Variants in ARHGAP6 observed in about 807,000 individuals in gnomAD.
ARHGAP6 encodes rho GTPase-activating protein 6.
A neutral mutation model predicts 55.7 loss-of-function variants in ARHGAP6; 16 were observed. That is an observed-to-expected ratio of 0.29 (90% CI 0.19 to 0.44). The LOEUF is 0.44. Ranked by LOEUF, ARHGAP6 falls within the 20% of genes least tolerant of loss-of-function variation. The pLI is 1.00. For missense variants in ARHGAP6, 698 were observed against 808.9 expected (o/e 0.86, Z 1.66); for synonymous variants, 382 against 360.9 (o/e 1.06, Z -0.66).
intron 1 of ARHGAP6, among the ~76,000 whole-genome samples, chrX:11,331,068 A>C (rs898824500): frequency 8.9e-6 from 1 of 111,912 alleles, no homozygotes; most frequent in African/African-American, 3.3e-5. Context: ...CCTTTTCCCC[A>C]AGATAGATCA....
At chrX:11,228,897 C>T (rs1467698457) in intron 2 of ARHGAP6, among the ~76,000 whole-genome samples, 1 of 112,132 alleles carries the variant, frequency 8.9e-6, no homozygotes, top group Non-Finnish European at 1.9e-5. Flanking sequence ...TCTCCTCTAT[C>T]ATTAGTTTGT....
intron 1 of ARHGAP6, among the ~76,000 whole-genome samples, chrX:11,578,312 G>A (rs180939546): frequency 5.4e-5 from 6 of 111,674 alleles, no homozygotes; most frequent in Non-Finnish European, 1.9e-5. Flanking sequence ...CTTCCACTCT[G>A]CACAGGGAGG....
chrX:11,268,969 T>G (rs2147511691), intron 1 of ARHGAP6, among the ~76,000 whole-genome samples: 1 of 110,920 alleles, frequency 9.0e-6, no homozygotes, highest in South Asian at 3.8e-4. Context: ...GCGTGAAAGG[T>G]TTAGTTGCCC....
chrX:11,308,174 A>T (rs1300243176), intron 1 of ARHGAP6, among the ~76,000 whole-genome samples: 1 of 112,312 alleles, frequency 8.9e-6, no homozygotes, highest in Non-Finnish European at 1.9e-5. Context: ...TGGTGTTAAC[A>T]CACAATTCAC....
At chrX:11,501,936 G>A (rs1461866539) in intron 1 of ARHGAP6, among the ~76,000 whole-genome samples, 1 of 111,436 alleles carries the variant, frequency 9.0e-6, no homozygotes, top group Non-Finnish European at 1.9e-5. Flanking sequence ...GTTCAAACTT[G>A]TGTTGTTGAA....
At chrX:11,453,760 T>C (rs998778971) in intron 1 of ARHGAP6, among the ~76,000 whole-genome samples, 11 of 111,890 alleles carry the variant, frequency 9.8e-5, no homozygotes, top group Non-Finnish European at 9.4e-5. Flanking sequence ...TTGTTTAGTA[T>C]TTCCAAAAGA....
intron 1 of ARHGAP6, among the ~76,000 whole-genome samples, chrX:11,311,832 G>T (rs185472400): frequency 9.0e-6 from 1 of 111,270 alleles, no homozygotes; most frequent in African/African-American, 3.3e-5. Context: ...CACACGCTAT[G>T]TTACTTTTTA....
At chrX:11,502,771 T>C (rs1291538694) in intron 1 of ARHGAP6, among the ~76,000 whole-genome samples, 1 of 112,551 alleles carries the variant, frequency 8.9e-6, no homozygotes, top group East Asian at 2.8e-4. Context: ...CAGGGTATAA[T>C]TCATATAACA....
chrX:11,426,075 A>C (rs1341642271), intron 1 of ARHGAP6, among the ~76,000 whole-genome samples: 1 of 112,762 alleles, frequency 8.9e-6, no homozygotes, highest in Non-Finnish European at 1.9e-5. Context: ...GTAACTTACA[A>C]GTATCTCATT....
chrX:11,515,411 G>A (rs2050828469), intron 1 of ARHGAP6, among the ~76,000 whole-genome samples: 1 of 111,798 alleles, frequency 8.9e-6, no homozygotes, highest in Non-Finnish European at 1.9e-5. Flanking sequence ...TCATGTTAGG[G>A]AACATTATTT....
intron 2 of ARHGAP6, among the ~76,000 whole-genome samples, chrX:11,214,848 C>A (rs2046856592): frequency 8.8e-6 from 1 of 113,283 alleles, no homozygotes; most frequent in Non-Finnish European, 1.9e-5. Context: ...ACTGAGGGAG[C>A]AATGTGGGGG....
chrX:11,458,312 G>A (rs1358048970), intron 1 of ARHGAP6, among the ~76,000 whole-genome samples: 1 of 112,323 alleles, frequency 8.9e-6, no homozygotes, highest in African/African-American at 3.2e-5. Flanking sequence ...ATATGCCTCG[G>A]CCTCTTGCCA....
intron 1 of ARHGAP6, among the ~76,000 whole-genome samples, chrX:11,324,945 G>A (rs1314738038): frequency 8.9e-6 from 1 of 111,830 alleles, no homozygotes; most frequent in African/African-American, 3.2e-5. Context: ...TGCAAGCTCC[G>A]CTTCCCGGGT....
At position 11,188,861 on chromosome X, in the gene ARHGAP6, A is replaced by C. The variant is rs750600762; in HGVS notation, c.944T>G (p.Leu315Arg). 1 of 1,209,216 alleles carries C rather than the reference A, an allele frequency of 8.3e-7. No homozygotes were observed. Among genetic ancestry groups the C allele is most frequent in the Non-Finnish European group, 1.1e-6 (1 of 895,138 alleles). The change falls in exon 4 of 13, where the codon CTC becomes CGC. Residue 315 changes from leucine to arginine, a missense_variant. By Grantham distance (102) the Leu-to-Arg change is moderately radical. Transcript: ENST00000337414. The stretch of plus-strand genomic sequence containing the variant: ...TTGTCTTTTATTTCCAAATGGGAGG[A>C]GGGAAGCCACAAAGTCAGATGCATC... ...QKDASDFVASLLPFGNKRQNK... is the reference protein window; with the variant it reads ...QKDASDFVASRLPFGNKRQNK...
chrX:11,231,515 G>T lies in ARHGAP6; in HGVS notation c.748+23033C>A, dbSNP rs754835539. On this transcript the variant is annotated intron_variant, in intron 2 of 12. Coordinates refer to ENST00000337414, the MANE Select transcript of ARHGAP6 (RefSeq NM_013427.3). ...CTTTTGCCTCCCTGCCTCTTGGAGAGGGTTTCTCCTGATAGCAGAGGGAAA... is the reference window on the plus strand; with the variant it reads ...CTTTTGCCTCCCTGCCTCTTGGAGATGGTTTCTCCTGATAGCAGAGGGAAA... Among the ~76,000 whole-genome samples the T allele has an allele frequency of 6.3e-4, 71 of 112,234 alleles. 2 individuals carry two copies. The highest frequency in any genetic ancestry group is 2.3e-3 in the African/African-American group (71 of 30,902).
intron 1 of ARHGAP6, among the ~76,000 whole-genome samples, chrX:11,565,262 T>A (rs769537365): frequency 2.7e-5 from 3 of 112,089 alleles, no homozygotes; most frequent in African/African-American, 9.7e-5. Flanking sequence ...AGATCAGAAA[T>A]GTTTTTCTCA....
chrX:11,367,581 G>A (rs1422627467), intron 1 of ARHGAP6, among the ~76,000 whole-genome samples: 1 of 112,384 alleles, frequency 8.9e-6, no homozygotes, highest in African/African-American at 3.2e-5. Context: ...AAGTGAGCTT[G>A]TTTTAACCTC....
intron 9 of ARHGAP6, among the ~76,000 whole-genome samples, chrX:11,160,302 A>C (rs1019693436): frequency 1.8e-5 from 2 of 108,388 alleles, no homozygotes; most frequent in Non-Finnish European, 3.8e-5. Flanking sequence ...ACAAAAAAAA[A>C]AAAAATTAGT....
At chrX:11,191,065 A>G in intron 3 of ARHGAP6, among the ~76,000 whole-genome samples, 1 of 112,789 alleles carries the variant, frequency 8.9e-6, no homozygotes, top group Middle Eastern at 4.6e-3. Flanking sequence ...GGTGTACTGC[A>G]CTCAAGAGCT....
Sources: allele counts gnomAD v4.1 joint callset (sites outside exome capture counted in the v4.1 genomes callset), GRCh38; gene constraint gnomAD v4.1.1; transcripts MANE v1.5; gene names NCBI Gene and HGNC (gene_info 2026-07-23, HGNC 2026-07-21).